GPR158: variants seen among roughly 807,000 people sequenced by gnomAD.
GPR158 encodes the protein G protein-coupled receptor 158, also known as metabotropic glycine receptor.
GPR158 carries 30 observed loss-of-function variants against 78.2 expected under a neutral mutation model. The observed-to-expected ratio is 0.38, with a 90% CI of 0.29 to 0.52. The LOEUF (loss-of-function observed/expected upper bound fraction) is 0.52, where lower values mean the gene tolerates loss of function less well. GPR158 is among the 20% of genes least tolerant of loss of function. GPR158 has a pLI of 0.83. For missense variants in GPR158, 1,463 were observed against 1,523.5 expected (o/e 0.96, Z 0.66); for synonymous variants, 581 against 591.1 (o/e 0.98, Z 0.25).
intron 4 of GPR158, among the ~76,000 whole-genome samples, chr10:25,414,889 A>G (rs1398057509): frequency 1.3e-5 from 2 of 152,152 alleles, no homozygotes; most frequent in Non-Finnish European, 2.9e-5. Context: ...GTGCAGACTC[A>G]TGAGCCAGAT....
chr10:25,547,648 C>G (rs1260787590), intron 5 of GPR158, among the ~76,000 whole-genome samples: 1 of 152,128 alleles, frequency 6.6e-6, no homozygotes, highest in African/African-American at 2.4e-5. Flanking sequence ...ACCTCCCCCA[C>G]ACAGCAGAGC....
chr10:25,360,891 T>A (rs570979255), intron 2 of GPR158, among the ~76,000 whole-genome samples: 2 of 152,254 alleles, frequency 1.3e-5, no homozygotes, highest in East Asian at 3.9e-4. Flanking sequence ...TTCCTATCCA[T>A]GAGCATGGAA....
intron 1 of GPR158, among the ~76,000 whole-genome samples, chr10:25,192,348 A>G (rs576770654): frequency 2.2e-4 from 33 of 152,298 alleles, no homozygotes; most frequent in African/African-American, 7.7e-4. Context: ...TCTTTCCTTT[A>G]TAAGTTACCC....
intron 3 of GPR158, among the ~76,000 whole-genome samples, chr10:25,407,276 A>C (rs1834527358): frequency 6.6e-6 from 1 of 152,256 alleles, no homozygotes; most frequent in Non-Finnish European, 1.5e-5. Context: ...GTGCAGTTAC[A>C]GAAAGAAATA....
rs1014681487 is a variant in GPR158, at chr10:25,412,152, A to C, written c.1112-98A>C. ...TGACAAAAGGTCTTTAATAAGTGAG[A>C]AAAGGAATGAGGAGTCACGGATGTC... On this transcript the variant is annotated intron_variant, in intron 3 of 10. Transcript: ENST00000376351. The C allele has an allele frequency of 1.5e-5, 12 of 810,584 alleles. 1 individual carries two copies. The Admixed American group carries it at 2.3e-4, about 15-fold the overall frequency. 50.2% of individuals were successfully genotyped at this position (810,584 alleles called of 1,614,324 possible). A position where few individuals can be genotyped will look rare whatever the true frequency, so the allele number is the denominator to read the frequency against.
chr10:25,393,489 C>A (rs930440502), intron 2 of GPR158: 1 of 152,172 alleles, frequency 6.6e-6, no homozygotes, highest in South Asian at 2.1e-4. Context: ...GTCGCGACGT[C>A]GTAACGGAAG....
intron 5 of GPR158, among the ~76,000 whole-genome samples, chr10:25,540,972 AT>A (rs1564484277): frequency 0.072 from 8,698 of 121,398 alleles, 564 homozygotes; most frequent in African/African-American, 0.24. Flanking sequence ...ATATATATAT[AT>A]ATATAAAGTT....
chr10:25,503,305 AATTTGAGGT>A (rs1835965655), intron 5 of GPR158, among the ~76,000 whole-genome samples: 1 of 152,020 alleles, frequency 6.6e-6, no homozygotes, highest in African/African-American at 2.4e-5. Context: ...TGAGTCCAGG[AATTTGAGGT>A]CGTAGTGAGC....
intron 1 of GPR158, among the ~76,000 whole-genome samples, chr10:25,214,437 C>A (rs1160106100): frequency 6.6e-6 from 1 of 152,148 alleles, no homozygotes; most frequent in Non-Finnish European, 1.5e-5. Context: ...CTTTACACAG[C>A]TTCCTGTAGT....
intron 2 of GPR158, among the ~76,000 whole-genome samples, chr10:25,381,031 T>C (rs1369072982): frequency 6.6e-6 from 1 of 152,122 alleles, no homozygotes; most frequent in Non-Finnish European, 1.5e-5. Context: ...AGAATAAGTA[T>C]AGGACAGAGC....
intron 2 of GPR158, among the ~76,000 whole-genome samples, chr10:25,388,538 G>A (rs1448683176): frequency 6.6e-6 from 1 of 152,248 alleles, no homozygotes; most frequent in Non-Finnish European, 1.5e-5. Flanking sequence ...GGGTTGGCCA[G>A]GTCCACTGTA....
intron 2 of GPR158, among the ~76,000 whole-genome samples, chr10:25,231,279 G>A (rs570865721): frequency 1.8e-4 from 27 of 152,250 alleles, no homozygotes; most frequent in African/African-American, 6.0e-4. Flanking sequence ...GCCAAAAAAT[G>A]TTTAGCTGAC....
intron 3 of GPR158, among the ~76,000 whole-genome samples, chr10:25,396,667 C>CA (rs1834366571): frequency 6.6e-6 from 1 of 152,072 alleles, no homozygotes; most frequent in Non-Finnish European, 1.5e-5. Flanking sequence ...AGATCATCTT[C>CA]AAAAAAATAC....
chr10:25,548,496 A>G (rs138657555), intron 5 of GPR158, among the ~76,000 whole-genome samples: 81 of 152,314 alleles, frequency 5.3e-4, no homozygotes, highest in Admixed American at 1.0e-3. Context: ...TTGACTGCTT[A>G]CCACACACTA....
intron 4 of GPR158, among the ~76,000 whole-genome samples, chr10:25,428,046 A>G (rs779153560): frequency 6.6e-6 from 1 of 152,072 alleles, no homozygotes; most frequent in Non-Finnish European, 1.5e-5. Flanking sequence ...GTTGGAATAT[A>G]TAAATTATGT....
rs556459346 is a variant in GPR158 at position 25,263,495 on chromosome 10, T to G, written c.1008+42338T>G. Reference sequence around the variant, plus strand: ...TCCTTCTGATCTAATTTTTTGACATTTTATTTTGTTAATATGTTTAGTTTC... The same window carrying G: ...TCCTTCTGATCTAATTTTTTGACATGTTATTTTGTTAATATGTTTAGTTTC... On this transcript the variant is annotated intron_variant, in intron 2 of 10. Coordinates refer to ENST00000376351, the MANE Select transcript of GPR158 (RefSeq NM_020752.3). Among the ~76,000 whole-genome samples, 29 of 152,312 alleles carry G rather than the reference T, an allele frequency of 1.9e-4. No homozygotes were observed. The South Asian group carries it at 6.0e-3, about 32-fold the overall frequency.
At chr10:25,314,999 GT>G (rs1306084228) in intron 2 of GPR158, among the ~76,000 whole-genome samples, 1 of 150,666 alleles carries the variant, frequency 6.6e-6, no homozygotes, top group South Asian at 2.1e-4. Context: ...TGTCAGTACT[GT>G]TTTTAATACC....
At chr10:25,515,414 A>T in intron 5 of GPR158, among the ~76,000 whole-genome samples, 1 of 149,260 alleles carries the variant, frequency 6.7e-6, no homozygotes. Flanking sequence ...ACATGTGCAC[A>T]TTGTGCAGGT....
intron 8 of GPR158, among the ~76,000 whole-genome samples, chr10:25,593,953 T>G (rs1455602407): frequency 6.6e-6 from 1 of 152,056 alleles, no homozygotes; most frequent in Non-Finnish European, 1.5e-5. Context: ...CTCTACAAAT[T>G]TGTATTGTAA....
Sources: gnomAD v4.1 joint callset for allele counts (sites outside exome capture counted in the v4.1 genomes callset) on GRCh38, gnomAD v4.1.1 for gene constraint, MANE v1.5 for transcripts, NCBI Gene and HGNC (gene_info 2026-07-23, HGNC 2026-07-21) for gene names.